Variants in FRMPD3 observed in about 807,000 individuals in gnomAD.
The protein encoded by FRMPD3 is FERM and PDZ domain containing 3, also known as FERM and PDZ domain-containing protein 3.
Under a neutral mutation model 97.9 loss-of-function variants are expected in FRMPD3, and 42 were observed. The ratio of observed to expected loss-of-function variants is 0.43; its 90% CI spans 0.34 to 0.55. The LOEUF is 0.55. FRMPD3 is among the 20% of genes least tolerant of loss of function. The pLI, the probability that FRMPD3 is intolerant of heterozygous loss-of-function variation, is 0.03. For missense variants in FRMPD3, 1,303 were observed against 1,457.7 expected (o/e 0.89, Z 1.73); for synonymous variants, 577 against 581.1 (o/e 0.99, Z 0.10).
In FRMPD3 at chrX:107,601,671, G is replaced by A. The variant is rs765732425; in HGVS notation, c.3632G>A (p.Arg1211Gln). 2.5e-6 allele frequency: 3 copies of A among 1,211,209 alleles called. No homozygotes were observed. The highest frequency in any genetic ancestry group is 2.2e-5 in the Admixed American group (1 of 46,091). The change falls in exon 15 of 15, where the codon CGA becomes CAA. Residue 1211 changes from arginine to glutamine, a missense_variant. This residue lies in a region of FRMPD3 where 764 missense variants were observed against 820.2 expected (regional missense o/e 0.93). Coordinates refer to ENST00000683843, the MANE Select transcript of FRMPD3 (RefSeq NM_001388459.1). ...GGCCCTGCCAAACCCAAGTCATCCC[G>A]AGGTCCTTTCCGGCTACGCAATTTA... ...SEGPAKPKSS[R>Q]GPFRLRNLFS...
chrX:107,564,887 G>A lies in FRMPD3; in HGVS notation c.1117G>A (p.Asp373Asn). 8.3e-7 allele frequency: 1 copy of A among 1,210,523 alleles called. No individual in the cohort carries two copies. Among genetic ancestry groups the A allele is most frequent in the Non-Finnish European group, 1.1e-6 (1 of 895,194 alleles). ...GTTGCCTGCCATTCTTGGGCACCAGGATGAGAAGCAGTCGGCCACCACGCT... is the reference window on the plus strand; with the variant it reads ...GTTGCCTGCCATTCTTGGGCACCAGAATGAGAAGCAGTCGGCCACCACGCT... ...TGVLFNTVGL[D>N]EKQSATTLLV... Residue 373 changes from aspartate (D) to asparagine (N), a missense_variant and splice_region_variant, in exon 12 of 15, where the codon GAT becomes AAT. Physicochemically the swap from Asp to Asn is conservative, Grantham distance 23. Coordinates refer to ENST00000683843, the MANE Select transcript of FRMPD3 (RefSeq NM_001388459.1).
chrX:107,557,664 CGTGTGTGTGTGT>C (rs760760257), intron 8 of FRMPD3, among the ~76,000 whole-genome samples: 33 of 87,161 alleles, frequency 3.8e-4, no homozygotes, highest in Non-Finnish European at 6.0e-4. Context: ...ATCAAAGTTT[CGTGTGTGTGTGT>C]GTGTGTGTGT....
intron 7 of FRMPD3, among the ~76,000 whole-genome samples, chrX:107,553,169 A>G (rs1378247308): frequency 9.1e-6 from 1 of 109,843 alleles, no homozygotes; most frequent in Non-Finnish European, 1.9e-5. Flanking sequence ...GATTCACCAC[A>G]TGGCACCCAG....
intron 4 of FRMPD3, among the ~76,000 whole-genome samples, chrX:107,534,185 T>G (rs1003782875): frequency 2.7e-5 from 3 of 111,877 alleles, no homozygotes; most frequent in Non-Finnish European, 3.8e-5. Context: ...AAGTAAAAAT[T>G]TCTAGCCCCC....
In FRMPD3 at chrX:107,600,655, A is replaced by G. The variant is rs753441790; in HGVS notation, c.2616A>G (p.Thr872=). The part of the protein sequence containing the change: ...QSEGQVQGER[T]YSLAVHPALS... ...AGGGCCAGGTACAGGGAGAACGAACATACTCCTTGGCAGTGCACCCAGCAC... is the reference window on the plus strand; with the variant it reads ...AGGGCCAGGTACAGGGAGAACGAACGTACTCCTTGGCAGTGCACCCAGCAC... The change falls in exon 15 of 15, where the codon ACA becomes ACG. Residue 872 remains threonine (T), a synonymous_variant. Coordinates refer to ENST00000683843, the MANE Select transcript of FRMPD3 (RefSeq NM_001388459.1). The G allele has an allele frequency of 2.1e-5, 25 of 1,204,639 alleles. No individual in the cohort carries two copies. Among genetic ancestry groups the G allele is most frequent in the Non-Finnish European group, 2.7e-5 (24 of 892,758 alleles).
chrX:107,465,883 GA>G (rs1250861846), intron 1 of FRMPD3, among the ~76,000 whole-genome samples: 13 of 104,841 alleles, frequency 1.2e-4, no homozygotes, highest in African/African-American at 3.8e-4. Context: ...AAAAAAAAAA[GA>G]AAAAAAAAAT....
At chrX:107,514,529 CTT>C (rs753016000) in intron 1 of FRMPD3, among the ~76,000 whole-genome samples, 19 of 95,427 alleles carry the variant, frequency 2.0e-4, no homozygotes, top group Admixed American at 2.3e-4. Context: ...TTTCCTTTTC[CTT>C]TTTTTTTTTT....
At chrX:107,575,172 TAAC>T (rs1210088292) in intron 12 of FRMPD3, among the ~76,000 whole-genome samples, 1 of 112,342 alleles carries the variant, frequency 8.9e-6, no homozygotes. Flanking sequence ...CAAGGTGGGT[TAAC>T]AACAACAACA....
intron 12 of FRMPD3, among the ~76,000 whole-genome samples, chrX:107,565,919 G>A (rs1922584771): frequency 9.0e-6 from 1 of 111,400 alleles, no homozygotes; most frequent in South Asian, 3.8e-4. Context: ...ATAGGGACAC[G>A]CACCTTGAGT....
At chrX:107,480,896 GA>G (rs1431247893) in intron 1 of FRMPD3, among the ~76,000 whole-genome samples, 10,694 of 41,329 alleles carry the variant, frequency 0.26, 781 homozygotes, top group Middle Eastern at 0.32. Flanking sequence ...AGGAAGGAAG[GA>G]AAGAAAGAAA....
At chrX:107,501,956 A>T (rs1266500415) in intron 1 of FRMPD3, among the ~76,000 whole-genome samples, 1 of 110,463 alleles carries the variant, frequency 9.1e-6, no homozygotes, top group Non-Finnish European at 1.9e-5. Flanking sequence ...ACTACATAAC[A>T]TATAAGAAGT....
At chrX:107,572,379 A>C (rs1374264603) in intron 12 of FRMPD3, among the ~76,000 whole-genome samples, 1 of 112,001 alleles carries the variant, frequency 8.9e-6, no homozygotes, top group Non-Finnish European at 1.9e-5. Context: ...GGTTGGGTCC[A>C]GGTCCTGAAG....
intron 13 of FRMPD3, among the ~76,000 whole-genome samples, chrX:107,596,302 C>A (rs1352614472): frequency 8.9e-6 from 1 of 111,938 alleles, no homozygotes; most frequent in Non-Finnish European, 1.9e-5. Context: ...TTAGGTGAGT[C>A]AGTTTCTTTA....
At chrX:107,531,570 G>A (rs936683302) in intron 3 of FRMPD3, among the ~76,000 whole-genome samples, 47 of 111,400 alleles carry the variant, frequency 4.2e-4, no homozygotes, top group African/African-American at 1.5e-3. Flanking sequence ...GCTCTGGAGG[G>A]CTTTGGAATG....
In FRMPD3 at chrX:107,601,665, C is replaced by T. The variant is rs371957266; in HGVS notation, c.3626C>T (p.Ser1209Leu). 133 of 1,209,830 alleles carry T rather than the reference C, an allele frequency of 1.1e-4. No homozygotes were observed. Among genetic ancestry groups the T allele is most frequent in the Middle Eastern group, 2.3e-4 (1 of 4,356 alleles). Reference sequence around the variant, plus strand: ...TCTGAAGGCCCTGCCAAACCCAAGTCATCCCGAGGTCCTTTCCGGCTACGC... The same window carrying T: ...TCTGAAGGCCCTGCCAAACCCAAGTTATCCCGAGGTCCTTTCCGGCTACGC... ...STSEGPAKPKSSRGPFRLRNL... is the reference protein window; with the variant it reads ...STSEGPAKPKLSRGPFRLRNL... Residue 1209 changes from serine to leucine, a missense_variant, in exon 15 of 15, where the codon TCA becomes TTA. This residue lies in a region of FRMPD3 where 764 missense variants were observed against 820.2 expected (regional missense o/e 0.93). Transcript: ENST00000683843.
At chrX:107,516,160 A>G (rs1922322648) in intron 1 of FRMPD3, among the ~76,000 whole-genome samples, 1 of 108,656 alleles carries the variant, frequency 9.2e-6, no homozygotes, top group Non-Finnish European at 1.9e-5. Flanking sequence ...TTTGCTGACA[A>G]TGATGGTTTC....
intron 12 of FRMPD3, among the ~76,000 whole-genome samples, chrX:107,565,310 A>T (rs113433983): frequency 0.13 from 14,383 of 111,446 alleles, 1,932 homozygotes; most frequent in African/African-American, 0.4. Context: ...AGCCTGAGAC[A>T]GTTCTTCAGC....
In FRMPD3 at chrX:107,591,345, C is replaced by T. The variant is rs183948484; in HGVS notation, c.1442-5976C>T. Among the ~76,000 whole-genome samples the T allele has an allele frequency of 2.1e-3, 234 of 110,605 alleles. 2 individuals are homozygous for T. The highest frequency in any genetic ancestry group is 7.1e-3 in the African/African-American group (216 of 30,515). The stretch of plus-strand genomic sequence containing the variant: ...GCTAATTTTTTGTATTTAGTAGAGA[C>T]GAGGTTTCACCCTGTTGGTTGGGCT... On this transcript the variant is annotated intron_variant, in intron 13 of 14. Transcript: ENST00000683843.
intron 1 of FRMPD3, among the ~76,000 whole-genome samples, chrX:107,465,598 G>A (rs1378455000): frequency 8.9e-6 from 1 of 111,852 alleles, no homozygotes; most frequent in African/African-American, 3.3e-5. Flanking sequence ...TATGAGATTG[G>A]AGCAGGCCAA....
Sources: allele counts gnomAD v4.1 joint callset (sites outside exome capture counted in the v4.1 genomes callset), GRCh38; gene constraint gnomAD v4.1.1; regional missense constraint gnomAD v4.1.1; transcripts MANE v1.5; gene names NCBI Gene and HGNC (gene_info 2026-07-23, HGNC 2026-07-21).